The following FYN variants were observed in gnomAD, a reference collection of about 807,000 sequenced individuals.
FYN encodes the protein tyrosine-protein kinase Fyn.
Under a neutral mutation model 70.2 loss-of-function variants are expected in FYN, and 10 were observed. That is an observed-to-expected ratio of 0.14 (90% CI 0.09 to 0.24). The LOEUF is 0.24. FYN is among the 10% of genes least tolerant of loss of function. The pLI, the probability that FYN is intolerant of heterozygous loss-of-function variation, is 1.00. For synonymous variants in FYN, 236 were observed against 248.6 expected (o/e 0.95, Z 0.48); for missense variants, 319 against 673.1 (o/e 0.47, Z 5.82).
intron 3 of FYN, among the ~76,000 whole-genome samples, chr6:111,737,512 A>G (rs889727816): frequency 2.6e-5 from 4 of 152,198 alleles, no homozygotes; most frequent in African/African-American, 9.7e-5. Flanking sequence ...AGATGAAGAG[A>G]TACACAGGGT....
chr6:111,748,596 A>G (rs1367604167), intron 3 of FYN, among the ~76,000 whole-genome samples: 1 of 150,894 alleles, frequency 6.6e-6, no homozygotes, highest in African/African-American at 2.4e-5. Flanking sequence ...CTGTTCATCC[A>G]TATAGACCTG....
intron 12 of FYN, among the ~76,000 whole-genome samples, chr6:111,678,471 T>C (rs1798645795): frequency 6.6e-6 from 1 of 152,326 alleles, no homozygotes; most frequent in South Asian, 2.1e-4. Flanking sequence ...TCTGTTGAGA[T>C]ATGAAATAAG....
chr6:111,839,438 G>A (rs1476861050), intron 2 of FYN, among the ~76,000 whole-genome samples: 1 of 152,088 alleles, frequency 6.6e-6, no homozygotes, highest in Non-Finnish European at 1.5e-5. Context: ...TAAGCTCAAT[G>A]CAAGCTGAAG....
intron 2 of FYN, among the ~76,000 whole-genome samples, chr6:111,800,493 A>C (rs558436169): frequency 6.6e-6 from 1 of 152,290 alleles, no homozygotes; most frequent in East Asian, 1.9e-4. Context: ...AGGGAGGAAA[A>C]GAAAACGTAC....
At chr6:111,865,770 GACATTCTGAAGTCAA>G (rs1489010839) in intron 1 of FYN, among the ~76,000 whole-genome samples, 1 of 152,156 alleles carries the variant, frequency 6.6e-6, no homozygotes, top group Non-Finnish European at 1.5e-5. Context: ...AAGTCACAAT[GACATTCTGAAGTCAA>G]ACTCGAGGGA....
intron 3 of FYN, among the ~76,000 whole-genome samples, chr6:111,778,783 C>A (rs1213217383): frequency 6.6e-6 from 1 of 151,948 alleles, no homozygotes; most frequent in East Asian, 1.9e-4. Context: ...CGTGAGTCAC[C>A]GCACCCAGCC....
At chr6:111,773,547 GGGAGA>G (rs1405265782) in intron 3 of FYN, among the ~76,000 whole-genome samples, 18 of 41,712 alleles carry the variant, frequency 4.3e-4, no homozygotes, top group East Asian at 1.8e-3. Context: ...GAGAGGGAGA[GGGAGA>G]CGCAGAGGAG....
intron 3 of FYN, among the ~76,000 whole-genome samples, chr6:111,743,585 A>G (rs1802079133): frequency 6.6e-6 from 1 of 152,198 alleles, no homozygotes; most frequent in Non-Finnish European, 1.5e-5. Flanking sequence ...ATTGTGACCA[A>G]GGAAACTCCT....
chr6:111,741,026 C>T (rs1228617972), intron 3 of FYN: 1 of 151,622 alleles, frequency 6.6e-6, no homozygotes, highest in East Asian at 1.9e-4. Context: ...AAGGAAGAAC[C>T]CTTGAGGCAG....
intron 1 of FYN, among the ~76,000 whole-genome samples, chr6:111,871,827 A>C (rs1774282989): frequency 6.6e-6 from 1 of 152,204 alleles, no homozygotes; most frequent in Admixed American, 6.5e-5. Context: ...CCTTAAATCT[A>C]AGAAACACTG....
chr6:111,717,683 C>G (rs1306423172), intron 4 of FYN, among the ~76,000 whole-genome samples: 1 of 152,172 alleles, frequency 6.6e-6, no homozygotes, highest in African/African-American at 2.4e-5. Flanking sequence ...AGGATGGTCT[C>G]AAACTCCTGC....
intron 4 of FYN, among the ~76,000 whole-genome samples, chr6:111,716,715 GAAGA>G (rs968548535): frequency 6.7e-5 from 10 of 150,352 alleles, no homozygotes; most frequent in Admixed American, 4.6e-4. Flanking sequence ...AAAAAATTAT[GAAGA>G]AAGATCTTTT....
At chr6:111,699,843 G>T (rs1305552571) in intron 9 of FYN, 20 of 697,462 alleles carry the variant, frequency 2.9e-5, no homozygotes, top group Non-Finnish European at 4.2e-5. Flanking sequence ...TGGACCATTT[G>T]CTGGTTTATG....
intron 12 of FYN, among the ~76,000 whole-genome samples, chr6:111,688,101 A>G (rs992209804): frequency 1.3e-5 from 2 of 152,228 alleles, no homozygotes; most frequent in Admixed American, 6.5e-5. Context: ...GAGGAGCTGG[A>G]AGAAGTGAAT....
chr6:111,863,565 G>A (rs1043701408), intron 1 of FYN, among the ~76,000 whole-genome samples: 1 of 152,184 alleles, frequency 6.6e-6, no homozygotes, highest in Non-Finnish European at 1.5e-5. Flanking sequence ...GGGCTTTGTT[G>A]TGGGAAAGGA....
intron 1 of FYN, 44 bp from the exon 2 acceptor site, chr6:111,846,673 A>G (rs1773538120): frequency 2.5e-6 from 1 of 398,696 alleles, no homozygotes; most frequent in Admixed American, 4.4e-5. Flanking sequence ...AAAGAGAACC[A>G]AGTACTCTCT....
At chr6:111,829,845 G>A (rs1235496814) in intron 2 of FYN, among the ~76,000 whole-genome samples, 2 of 152,158 alleles carry the variant, frequency 1.3e-5, no homozygotes, top group Non-Finnish European at 2.9e-5. Context: ...CCTACCCTGT[G>A]CCTGGCTTGG....
At chr6:111,688,569 A>C (rs1196795375) in intron 12 of FYN, among the ~76,000 whole-genome samples, 2 of 152,188 alleles carry the variant, frequency 1.3e-5, no homozygotes, top group Non-Finnish European at 2.9e-5. Flanking sequence ...TCTATAGAGA[A>C]GCAGTAAGAC....
intron 1 of FYN, among the ~76,000 whole-genome samples, chr6:111,848,200 G>C (rs1206438085): frequency 2.0e-5 from 3 of 152,218 alleles, no homozygotes; most frequent in Non-Finnish European, 2.9e-5. Flanking sequence ...GCTCAGAAAA[G>C]TTGTTGCTCT....
Sources: allele counts gnomAD v4.1 joint callset (sites outside exome capture counted in the v4.1 genomes callset), GRCh38; gene constraint gnomAD v4.1.1; transcripts MANE v1.5; gene names NCBI Gene and HGNC (gene_info 2026-07-23, HGNC 2026-07-21).